Variants in SENP3 observed in about 807,000 individuals in gnomAD.
SENP3 encodes the protein SUMO specific peptidase 3.
Under a neutral mutation model 66.2 loss-of-function variants are expected in SENP3, and 11 were observed. The ratio of observed to expected loss-of-function variants is 0.17; its 90% CI spans 0.10 to 0.28. The LOEUF is 0.28. Ranked by LOEUF, SENP3 falls within the 10% of genes least tolerant of loss-of-function variation. The pLI is 1.00. For missense variants in SENP3, 548 were observed against 743.7 expected, an observed-to-expected ratio of 0.74 and a Z score of 3.06; for synonymous variants, 292 against 277.6, an observed-to-expected ratio of 1.05 and a Z score of -0.52.
At chr17:7,565,888 G>C (rs934086546) in intron 6 of SENP3, 124 bp downstream of exon 6, 1 of 760,408 alleles carries the variant, frequency 1.3e-6, no homozygotes, top group African/African-American at 1.8e-5. Flanking sequence ...AGAGGTGGTA[G>C]TGGTAGTGTA....
At chr17:7,564,398 CCTGT>C (rs1567728448) in intron 2 of SENP3, 2 of 704,782 alleles carry the variant, frequency 2.8e-6, no homozygotes, top group Admixed American at 4.3e-5. Context: ...TTTCTTTCTT[CCTGT>C]CTATGAGTAG....
At position 7,571,897 on chromosome 17, in the gene SENP3, AT is replaced by A. The variant is rs2071326864; in HGVS notation, c.*415del. 1.2e-3 allele frequency: 15 copies of A among 12,790 alleles called. 3 individuals carry two copies. Among genetic ancestry groups the A allele is most frequent in the Admixed American group, 3.1e-3 (4 of 1,284 alleles). The allele number at this position is 12,790 out of a possible 1,614,324, so 0.8% of individuals were successfully genotyped here. On this transcript the variant is annotated 3_prime_UTR_variant, in exon 11 of 11. Transcript: ENST00000321337. ...TATATATATATATATATATATATATATATATATATATAAAAATATATAAATG... is the reference window on the plus strand; with the variant it reads ...TATATATATATATATATATATATATAATATATATATAAAAATATATAAATG...
At chr17:7,566,164 A>G (rs544506126) in intron 6 of SENP3, 2 of 167,440 alleles carry the variant, frequency 1.2e-5, no homozygotes, top group South Asian at 2.9e-4. Context: ...CAATATGGAG[A>G]AATCCCGTCT....
Position 7,570,776 on chromosome 17 carries a change from G to A in SENP3, c.1563+12G>A, listed in dbSNP as rs2071306249. The A allele has an allele frequency of 6.2e-7, 1 of 1,608,968 alleles. No individual in the cohort carries two copies. Among genetic ancestry groups the A allele is most frequent in the African/African-American group, 1.3e-5 (1 of 74,964 alleles). On this transcript the variant is annotated intron_variant, in intron 9 of 10. Transcript: ENST00000321337. The surrounding 1 kb of genome is among the most constrained non-coding windows in gnomAD (Gnocchi z 5.4). Reference sequence around the variant, plus strand: ...GTTACTTCAAAATGGTGAGTTTCCTGAGGGAGGGGTATAGGGTGTTGGTGG... The same window carrying A: ...GTTACTTCAAAATGGTGAGTTTCCTAAGGGAGGGGTATAGGGTGTTGGTGG...
chr17:7,571,891 ATATATATATATATATATAAAAATATAT>A lies in SENP3; in HGVS notation c.*409_*435del, dbSNP rs1420280302. 28 of 13,816 alleles carry A rather than the reference ATATATATATATATATATAAAAATATAT, an allele frequency of 2.0e-3. 1 individual carries two copies. Among genetic ancestry groups the A allele is most frequent in the South Asian group, 8.6e-3 (3 of 348 alleles). The allele number at this position is 13,816 out of a possible 1,614,324, so 0.9% of individuals were successfully genotyped here. A position where few individuals can be genotyped will look rare whatever the true frequency, so the allele number is the denominator to read the frequency against. On this transcript the variant is annotated 3_prime_UTR_variant, in exon 11 of 11. Coordinates refer to ENST00000321337, the MANE Select transcript of SENP3 (RefSeq NM_015670.6). ...TATATATATATATATATATATATAT[ATATATATATATATATATAAAAATATAT>A]AAATGCCACGGTCCTGCTCTGGTCA...
intron 1 of SENP3, 59 bp from the exon 2 acceptor site, chr17:7,563,007 G>A (rs2071232958): frequency 1.5e-6 from 2 of 1,368,576 alleles, no homozygotes; most frequent in Non-Finnish European, 1.9e-6. Flanking sequence ...CAGGAAGAGA[G>A]GCAGGATCTG....
intron 4 of SENP3, 95 bp downstream of exon 4, chr17:7,565,165 G>C: frequency 2.9e-6 from 3 of 1,019,560 alleles, no homozygotes; most frequent in Non-Finnish European, 4.4e-6. Context: ...TGTAGTTGGG[G>C]AGGAGGAAGC....
intron 7 of SENP3, 95 bp downstream of exon 7, chr17:7,567,099 C>T: frequency 1.2e-6 from 1 of 859,880 alleles, no homozygotes; most frequent in Non-Finnish European, 1.9e-6. Context: ...CGTGTTCATT[C>T]AGTCTTTCAA....
Position 7,565,593 on chromosome 17 carries a change from A to G in SENP3, c.1215+6A>G, listed in dbSNP as rs759156130. Reference sequence around the variant, plus strand: ...AGAACTGGCTCAATGACCAGGTGAGAAAGGGTAGAGAAACAGGCCTGAGAG... The same window carrying G: ...AGAACTGGCTCAATGACCAGGTGAGGAAGGGTAGAGAAACAGGCCTGAGAG... On this transcript the variant is annotated splice_donor_region_variant and intron_variant, in intron 5 of 10. Transcript: ENST00000321337. 1.9e-5 allele frequency: 31 copies of G among 1,613,724 alleles called. No homozygotes were observed. The highest frequency in any genetic ancestry group is 2.5e-5 in the Non-Finnish European group (29 of 1,179,830).
At chr17:7,565,679 C>T in intron 5 of SENP3, 38 bp from the exon 6 acceptor site, 1 of 1,613,164 alleles carries the variant, frequency 6.2e-7, no homozygotes, top group Non-Finnish European at 8.5e-7. Context: ...ACCCATGCCG[C>T]ACCCTCCATG....
rs1007976729 is a variant in SENP3 at position 7,562,989 on chromosome 17, G to A, written c.-11-77G>A. On this transcript the variant is annotated intron_variant, in intron 1 of 10. Coordinates refer to ENST00000321337, the MANE Select transcript of SENP3 (RefSeq NM_015670.6). The surrounding 1 kb of genome is among the most constrained non-coding windows in gnomAD (Gnocchi z 5.0). ...TTTATTTGCATCTGAATCCAGAGGA[G>A]GCATGGCCAGGAAGAGAGGCAGGAT... is the stretch of plus-strand genomic sequence containing the variant. The A allele has an allele frequency of 3.7e-6, 5 of 1,348,730 alleles. No homozygotes were observed. The highest frequency in any genetic ancestry group is 4.8e-6 in the Non-Finnish European group (5 of 1,050,100). 83.5% of individuals were successfully genotyped at this position (1,348,730 alleles called of 1,614,324 possible).
Position 7,570,648 on chromosome 17 carries a change from A to G in SENP3, c.1480-33A>G. 1.2e-6 allele frequency: 2 copies of G among 1,602,978 alleles called. No homozygotes were observed. Among genetic ancestry groups the G allele is most frequent in the African/African-American group, 1.3e-5 (1 of 74,794 alleles). ...CATACTGTGTTCAATTGAGAAACTT[A>G]GGGCATCACTTTCTTTTCCCCCATC... On this transcript the variant is annotated intron_variant, in intron 8 of 10. Transcript: ENST00000321337. This position sits in a 1 kb window ranked among gnomAD's most constrained non-coding sequence, Gnocchi z 5.4.
chr17:7,564,597 TGCCCATTCCATTTCCCCTGCCCTATAG>T lies in SENP3; in HGVS notation c.716-24_718del. ...GTGCTTTCCCCAGGCCAGTCTCTCA[TGCCCATTCCATTTCCCCTGCCCTATAG>T]GCCTCCTTTCATGTACTCTGCCCAA... On this transcript the variant is annotated splice_acceptor_variant and splice_polypyrimidine_tract_variant and intron_variant, in intron 2 of 10. Transcript: ENST00000321337. LOFTEE classifies it high-confidence loss of function. 1 of 1,613,018 alleles carries T rather than the reference TGCCCATTCCATTTCCCCTGCCCTATAG, an allele frequency of 6.2e-7. No homozygotes were observed. Among genetic ancestry groups the T allele is most frequent in the South Asian group, 1.1e-5 (1 of 90,866 alleles).
intron 6 of SENP3, among the ~76,000 whole-genome samples, chr17:7,566,330 G>A (rs763070837): frequency 8.1e-5 from 12 of 148,672 alleles, no homozygotes; most frequent in Non-Finnish European, 1.6e-4. Context: ...CAACAAGAGC[G>A]GAATTCTGTC....
intron 2 of SENP3, chr17:7,564,336 C>T (rs557398778): frequency 1.3e-5 from 7 of 546,932 alleles, no homozygotes; most frequent in Non-Finnish European, 2.4e-5. Flanking sequence ...GGGTGTTTGG[C>T]ATATAGTGGT....
chr17:7,570,964 C>T lies in SENP3; in HGVS notation c.1614+31C>T. 1 of 1,599,972 alleles carries T rather than the reference C, an allele frequency of 6.3e-7. No individual in the cohort carries two copies. Among genetic ancestry groups the T allele is most frequent in the Non-Finnish European group, 8.5e-7 (1 of 1,170,170 alleles). On this transcript the variant is annotated intron_variant, in intron 10 of 10. Coordinates refer to ENST00000321337, the MANE Select transcript of SENP3 (RefSeq NM_015670.6). The surrounding 1 kb of genome is among the most constrained non-coding windows in gnomAD (Gnocchi z 5.4). ...CAGATGATGGGGCCACCTCCCCTAG[C>T]TCTGAAGTCAGTTGGGTTAAAGGGT...
chr17:7,563,592 AG>A lies in SENP3; in HGVS notation c.521del (p.Gly174ValfsTer27). On this transcript the variant is annotated frameshift_variant, in exon 2 of 11. Coordinates refer to ENST00000321337, the MANE Select transcript of SENP3 (RefSeq NM_015670.6). LOFTEE classifies it high-confidence loss of function. ...HPKNHLSPQQGGATPQVPSPC... is the reference protein window; with the variant it reads ...HPKNHLSPQQXGATPQVPSPC... ...CCAAGAACCATCTTTCACCCCAGCA[AG>A]GGGGTGCGACGCCACAGGTGCCATC... 6.4e-7 allele frequency: 1 copy of A among 1,570,800 alleles called. No individual in the cohort carries two copies. Among genetic ancestry groups the A allele is most frequent in the South Asian group, 1.2e-5 (1 of 86,258 alleles).
chr17:7,564,282 T>C, intron 2 of SENP3: 1 of 428,764 alleles, frequency 2.3e-6, no homozygotes, highest in South Asian at 2.1e-5. Flanking sequence ...TTATTACATA[T>C]TCTAGTATTC....
chr17:7,563,642 C>T lies in SENP3; in HGVS notation c.566C>T (p.Pro189Leu). 1 of 1,607,892 alleles carries T rather than the reference C, an allele frequency of 6.2e-7. No homozygotes were observed. Among genetic ancestry groups the T allele is most frequent in the Non-Finnish European group, 8.5e-7 (1 of 1,177,440 alleles). Residue 189 changes from proline (P) to leucine (L), a missense_variant, in exon 2 of 11, where the codon CCC (proline) becomes CTC (leucine). Physicochemically the swap from Pro to Leu is moderately conservative, Grantham distance 98. Around this residue, in one of 6 missense-constraint regions of SENP3, gnomAD observed 215 missense variants for 230.7 expected, o/e 0.93. Coordinates refer to ENST00000321337, the MANE Select transcript of SENP3 (RefSeq NM_015670.6). ...VPSPCCRFDS[P>L]RGPPPPRLGL... ...TCCCCCTGTTGTCGTTTTGACTCCC[C>T]CCGGGGGCCACCTCCACCCCGGCTG...
Sources: gnomAD v4.1 joint callset for allele counts (sites outside exome capture counted in the v4.1 genomes callset) on GRCh38, gnomAD v4.1.1 for gene constraint, gnomAD v4.1.1 regional missense constraint, Gnocchi (gnomAD v3.1) non-coding constraint, MANE v1.5 for transcripts, NCBI Gene and HGNC (gene_info 2026-07-23, HGNC 2026-07-21) for gene names.